HERC1: variants seen among roughly 807,000 people sequenced by gnomAD.
HERC1 encodes HECT and RLD domain containing E3 ubiquitin protein ligase family member 1.
In HERC1, 160 loss-of-function variants were observed where a neutral mutation model predicts 554.3. The observed-to-expected ratio is 0.29, with a 90% CI of 0.25 to 0.33. The LOEUF (loss-of-function observed/expected upper bound fraction) is 0.33, where lower values mean the gene tolerates loss of function less well. HERC1 is among the 10% of genes least tolerant of loss of function. The pLI is 1.00. For synonymous variants in HERC1, 2,175 were observed against 2,131.7 expected (o/e 1.02, Z -0.56); for missense variants, 4,919 against 5,918.5 (o/e 0.83, Z 5.54).
rs144571029 is a variant in HERC1 at position 63,702,404 on chromosome 15, G to C, written c.4637-3408C>G. 5.9e-4 allele frequency among the ~76,000 whole-genome samples: 90 copies of C among 152,232 alleles called. 1 individual carries two copies. The highest frequency in any genetic ancestry group is 1.9e-3 in the African/African-American group (80 of 41,532). ...ATAAAACCCTATCAAAATATTTAAA[G>C]ATTAGGGGCGATAATCAAACCACAC... is the stretch of plus-strand genomic sequence containing the variant. On this transcript the variant is annotated intron_variant, in intron 25 of 77. Coordinates refer to ENST00000443617, the MANE Select transcript of HERC1 (RefSeq NM_003922.4).
chr15:63,712,393 G>C (rs192967499), intron 24 of HERC1, among the ~76,000 whole-genome samples: 1 of 152,210 alleles, frequency 6.6e-6, no homozygotes, highest in South Asian at 2.1e-4. Flanking sequence ...AGAAAAAAGA[G>C]TCAAGGATGA....
At chr15:63,738,808 A>G (rs1567071401) in intron 12 of HERC1, among the ~76,000 whole-genome samples, 1 of 152,178 alleles carries the variant, frequency 6.6e-6, no homozygotes, top group Non-Finnish European at 1.5e-5. Flanking sequence ...AACCCAAAAT[A>G]TAATTTTTTA....
chr15:63,664,486 T>C lies in HERC1; in HGVS notation c.8664A>G (p.Thr2888=), dbSNP rs1419222040. 1.9e-6 allele frequency: 3 copies of C among 1,613,498 alleles called. No individual in the cohort carries two copies. Among genetic ancestry groups the C allele is most frequent in the East Asian group, 4.5e-5 (2 of 44,870 alleles). Residue 2888 remains threonine (T), a synonymous_variant, in exon 43 of 78, where the codon ACA becomes ACG. Transcript: ENST00000443617. ...RRHKFDLAAR[T]LLARAAGLYR... The stretch of plus-strand genomic sequence containing the variant: ...TAAAATTACCTGCTCTTGCTAGCAG[T>C]GTGCGAGCAGCTAAGTCAAACTTGT...
chr15:63,762,175 A>C (rs2075633463), intron 3 of HERC1, among the ~76,000 whole-genome samples: 1 of 152,218 alleles, frequency 6.6e-6, no homozygotes, highest in African/African-American at 2.4e-5. Context: ...GGAGGCTCTA[A>C]AAGATTATGA....
In HERC1 at chr15:63,612,582, C is replaced by T. The variant is rs2067647169; in HGVS notation, c.14095-26G>A. The stretch of plus-strand genomic sequence containing the variant: ...CTGCTCCCGGGAGAGGTTGCTCATT[C>T]AATGAGTGTGCGTGAACCTGGCACC... On this transcript the variant is annotated intron_variant, in intron 76 of 77. Transcript: ENST00000443617. This position sits in a 1 kb window ranked among gnomAD's most constrained non-coding sequence, Gnocchi z 5.0. The T allele has an allele frequency of 4.4e-6, 7 of 1,599,914 alleles. No individual in the cohort carries two copies. The highest frequency in any genetic ancestry group is 4.0e-5 in the African/African-American group (3 of 74,846).
At position 63,749,162 on chromosome 15, in the gene HERC1, T is replaced by C. The variant is rs1276884867; in HGVS notation, c.2219+205A>G. On this transcript the variant is annotated intron_variant, in intron 10 of 77. Transcript: ENST00000443617. This position sits in a 1 kb window ranked among gnomAD's most constrained non-coding sequence, Gnocchi z 4.1. ...TGTCTTAAATACTGGGTATGACTTC[T>C]TGCTTCGGAAACATGTCTAACCTCA... Among the ~76,000 whole-genome samples the C allele has an allele frequency of 6.6e-6, 1 of 152,214 alleles. No individual in the cohort carries two copies. Among genetic ancestry groups the C allele is most frequent in the African/African-American group, 2.4e-5 (1 of 41,462 alleles).
chr15:63,822,250 T>C lies in HERC1; in HGVS notation c.-27+11577A>G, dbSNP rs144209038. Among the ~76,000 whole-genome samples, 141 of 152,340 alleles carry C rather than the reference T, an allele frequency of 9.3e-4. 1 individual carries two copies. The highest frequency in any genetic ancestry group is 6.0e-3 in the East Asian group (31 of 5,188). ...ACATCATGTAGGACTTTGCAGGTCA[T>C]GGCTAGGAATTTGGCTGTTCTTTTA... On this transcript the variant is annotated intron_variant, in intron 1 of 77. Coordinates refer to ENST00000443617, the MANE Select transcript of HERC1 (RefSeq NM_003922.4).
intron 1 of HERC1, among the ~76,000 whole-genome samples, chr15:63,802,565 T>A (rs569405500): frequency 6.6e-6 from 1 of 152,298 alleles, no homozygotes; most frequent in South Asian, 2.1e-4. Context: ...GTTTATTAAT[T>A]TAAGGTAAAA....
intron 33 of HERC1, among the ~76,000 whole-genome samples, chr15:63,687,263 G>C (rs968987671): frequency 6.6e-6 from 1 of 152,282 alleles, no homozygotes; most frequent in Non-Finnish European, 1.5e-5. Context: ...GAGGGGGCCA[G>C]GTGTGGTGGC....
chr15:63,709,006 T>C (rs1251832807), intron 24 of HERC1, among the ~76,000 whole-genome samples: 2 of 152,168 alleles, frequency 1.3e-5, no homozygotes, highest in African/African-American at 4.8e-5. Flanking sequence ...TGTTTTTTGT[T>C]TGAGACAGTG....
chr15:63,827,348 G>A (rs1181216334), intron 1 of HERC1, among the ~76,000 whole-genome samples: 1 of 151,896 alleles, frequency 6.6e-6, no homozygotes, highest in Non-Finnish European at 1.5e-5. Context: ...CTTAAGCCCA[G>A]GGGATTAAGG....
intron 77 of HERC1, among the ~76,000 whole-genome samples, chr15:63,609,654 C>T (rs988898028): frequency 2.6e-5 from 4 of 152,112 alleles, no homozygotes; most frequent in Non-Finnish European, 4.4e-5. Flanking sequence ...TGCAGGGATG[C>T]CCCCACAGAG....
At chr15:63,717,187 TAC>T (rs1326000050) in intron 21 of HERC1, among the ~76,000 whole-genome samples, 9 of 152,224 alleles carry the variant, frequency 5.9e-5, no homozygotes, top group Non-Finnish European at 1.0e-4. Context: ...GAGATGGGGA[TAC>T]AGAGTAGTCA....
intron 1 of HERC1, among the ~76,000 whole-genome samples, chr15:63,817,531 A>G (rs936823823): frequency 2.0e-5 from 3 of 152,158 alleles, no homozygotes; most frequent in African/African-American, 4.8e-5. Flanking sequence ...CCTGGCCAAC[A>G]TGACAAAACC....
chr15:63,624,972 A>C (rs2068237759), intron 71 of HERC1, among the ~76,000 whole-genome samples: 1 of 152,204 alleles, frequency 6.6e-6, no homozygotes, highest in South Asian at 2.1e-4. Flanking sequence ...AACATTTTTC[A>C]CAGTTAATAT....
At position 63,758,009 on chromosome 15, in the gene HERC1, A is replaced by G. The variant is rs1382809231; in HGVS notation, c.1221+166T>C. On this transcript the variant is annotated intron_variant, in intron 4 of 77. Transcript: ENST00000443617. This position sits in a 1 kb window ranked among gnomAD's most constrained non-coding sequence, Gnocchi z 4.0. ...AGGCGTGAGCCACTGCGCCCAGCAA[A>G]AATTTATTTTTCTATTAAAATGAAA... Among the ~76,000 whole-genome samples, 2 of 152,220 alleles carry G rather than the reference A, an allele frequency of 1.3e-5. No individual in the cohort carries two copies. The highest frequency in any genetic ancestry group is 1.5e-5 in the Non-Finnish European group (1 of 68,032).
In HERC1 at chr15:63,614,103, C is replaced by G. The variant is rs2067714763; in HGVS notation, c.14095-1547G>C. Among the ~76,000 whole-genome samples, 2 of 152,074 alleles carry G rather than the reference C, an allele frequency of 1.3e-5. 1 individual carries two copies. Among genetic ancestry groups the G allele is most frequent in the Admixed American group, 1.3e-4 (2 of 15,274 alleles). ...TCAGTTCTAAGAGATGAAGAGGAAC[C>G]AAAGACCAATTCATATATAAAGAAA... is the stretch of plus-strand genomic sequence containing the variant. On this transcript the variant is annotated intron_variant, in intron 76 of 77. Coordinates refer to ENST00000443617, the MANE Select transcript of HERC1 (RefSeq NM_003922.4).
intron 56 of HERC1, 98 bp downstream of exon 56, chr15:63,645,385 A>G: frequency 2.3e-6 from 2 of 864,742 alleles, no homozygotes; most frequent in Non-Finnish European, 1.8e-6. Flanking sequence ...GCAACTGGCA[A>G]TAAACTCTTT....
intron 52 of HERC1, among the ~76,000 whole-genome samples, chr15:63,652,143 A>G (rs935082257): frequency 6.6e-6 from 1 of 152,260 alleles, no homozygotes; most frequent in African/African-American, 2.4e-5. Context: ...AAAGACCTAT[A>G]GCAAATTAGC....
Sources: gnomAD v4.1 joint callset for allele counts (sites outside exome capture counted in the v4.1 genomes callset) on GRCh38, gnomAD v4.1.1 for gene constraint, Gnocchi (gnomAD v3.1) non-coding constraint, MANE v1.5 for transcripts, NCBI Gene and HGNC (gene_info 2026-07-23, HGNC 2026-07-21) for gene names.